BBS9: variants seen among roughly 807,000 people sequenced by gnomAD.
The protein encoded by BBS9 is Bardet-Biedl syndrome 9, also known as protein PTHB1.
Under a neutral mutation model 117.7 loss-of-function variants are expected in BBS9, and 89 were observed. That is an observed-to-expected ratio of 0.76 (90% CI 0.64 to 0.90). The LOEUF (loss-of-function observed/expected upper bound fraction) is 0.90, where lower values mean the gene tolerates loss of function less well. Ranked by LOEUF, BBS9 falls within the 40% of genes least tolerant of loss-of-function variation. BBS9 has a pLI of 0.00. For missense variants in BBS9, 982 were observed against 1,042.2 expected (o/e 0.94, Z 0.80); for synonymous variants, 379 against 370.9 (o/e 1.02, Z -0.25).
chr7:33,571,323 G>A (rs1857747139), intron 21 of BBS9, among the ~76,000 whole-genome samples: 1 of 151,882 alleles, frequency 6.6e-6, no homozygotes, highest in Non-Finnish European at 1.5e-5. Flanking sequence ...CATTTTGAGG[G>A]AAACTACTGA....
chr7:33,442,288 T>G (rs1030531088), intron 19 of BBS9, among the ~76,000 whole-genome samples: 4 of 152,226 alleles, frequency 2.6e-5, no homozygotes, highest in African/African-American at 9.7e-5. Context: ...AATTATCATA[T>G]TATGTTTGCC....
intron 9 of BBS9, among the ~76,000 whole-genome samples, chr7:33,315,814 G>GT (rs1810374190): frequency 6.6e-6 from 1 of 152,032 alleles, no homozygotes; most frequent in Non-Finnish European, 1.5e-5. Context: ...TAAACCATCA[G>GT]TTTTTTTATT....
chr7:33,609,807 G>A (rs1864767873), downstream of BBS9, among the ~76,000 whole-genome samples: 1 of 152,034 alleles, frequency 6.6e-6, no homozygotes, highest in African/African-American at 2.4e-5. Flanking sequence ...AGCAGTGGGT[G>A]GTAATGATAT....
At chr7:33,206,046 G>T (rs539253259) in intron 5 of BBS9, among the ~76,000 whole-genome samples, 1 of 152,170 alleles carries the variant, frequency 6.6e-6, no homozygotes, top group African/African-American at 2.4e-5. Context: ...TAATAATTGT[G>T]ATTTCATTGC....
chr7:33,476,994 C>G (rs946922976), intron 19 of BBS9, among the ~76,000 whole-genome samples: 1 of 152,092 alleles, frequency 6.6e-6, no homozygotes, highest in African/African-American at 2.4e-5. Context: ...CCTATTATAG[C>G]CTAGTGACAA....
chr7:33,280,807 A>G (rs1422775609), intron 9 of BBS9, among the ~76,000 whole-genome samples: 1 of 152,022 alleles, frequency 6.6e-6, no homozygotes, highest in East Asian at 1.9e-4. Context: ...TCATAGAGGG[A>G]AGAAGGATTT....
intron 6 of BBS9, among the ~76,000 whole-genome samples, chr7:33,260,336 TA>T (rs1435443021): frequency 6.6e-6 from 1 of 152,194 alleles, no homozygotes; most frequent in Non-Finnish European, 1.5e-5. Flanking sequence ...GTGCTTTTTA[TA>T]ATCCAGTCCC....
At chr7:33,148,153 A>G (rs1190457011) in intron 2 of BBS9, among the ~76,000 whole-genome samples, 1 of 152,210 alleles carries the variant, frequency 6.6e-6, no homozygotes, top group Non-Finnish European at 1.5e-5. Flanking sequence ...GCAGTTTTGG[A>G]TATGCTCTGT....
At chr7:33,411,006 T>C (rs1314327659) in intron 19 of BBS9, among the ~76,000 whole-genome samples, 1 of 137,428 alleles carries the variant, frequency 7.3e-6, no homozygotes, top group Non-Finnish European at 1.5e-5. Flanking sequence ...ACTTAAAATG[T>C]TGGTGTTTTT....
intron 10 of BBS9, among the ~76,000 whole-genome samples, chr7:33,337,081 A>G (rs1020060813): frequency 2.0e-5 from 3 of 152,104 alleles, no homozygotes; most frequent in Non-Finnish European, 2.9e-5. Context: ...GACATAATTT[A>G]TGTTTGTAGT....
intron 21 of BBS9, among the ~76,000 whole-genome samples, chr7:33,611,504 G>A (rs886901318): frequency 5.2e-5 from 7 of 133,718 alleles, no homozygotes; most frequent in African/African-American, 8.4e-5. Flanking sequence ...TATATATAAG[G>A]TATATTATAT....
intron 1 of BBS9, among the ~76,000 whole-genome samples, chr7:33,137,490 C>T (rs2128066907): frequency 6.6e-6 from 1 of 152,350 alleles, no homozygotes; most frequent in South Asian, 2.1e-4. Flanking sequence ...TGCCATGCCT[C>T]CCCCGCTGCA....
intron 19 of BBS9, among the ~76,000 whole-genome samples, chr7:33,445,094 A>G (rs1836795813): frequency 6.6e-6 from 1 of 152,182 alleles, no homozygotes; most frequent in Non-Finnish European, 1.5e-5. Context: ...ACAAGGCTGT[A>G]CAATAAGTTA....
chr7:33,474,065 G>A (rs2128960403), intron 19 of BBS9, among the ~76,000 whole-genome samples: 1 of 152,250 alleles, frequency 6.6e-6, no homozygotes, highest in East Asian at 1.9e-4. Context: ...TCCAAATTGT[G>A]GTCTCTTTAG....
chr7:33,548,062 G>A (rs1211462508), intron 21 of BBS9, among the ~76,000 whole-genome samples: 1 of 152,132 alleles, frequency 6.6e-6, no homozygotes, highest in African/African-American at 2.4e-5. Context: ...ATGCTGGCTG[G>A]TAACTAATTA....
chr7:33,246,215 T>A (rs894494681), intron 5 of BBS9, among the ~76,000 whole-genome samples: 10 of 152,160 alleles, frequency 6.6e-5, no homozygotes, highest in Non-Finnish European at 1.5e-5. Flanking sequence ...TAACTATCCC[T>A]AATTCATTTT....
chr7:33,471,488 G>A (rs76636822), intron 19 of BBS9, among the ~76,000 whole-genome samples: 2,641 of 152,288 alleles, frequency 0.017, 31 homozygotes, highest in South Asian at 0.042. Context: ...CATAGTAGGT[G>A]CTCATAACTG....
At chr7:33,357,414 G>A (rs934448251) in intron 15 of BBS9, among the ~76,000 whole-genome samples, 6 of 151,676 alleles carry the variant, frequency 4.0e-5, no homozygotes, top group African/African-American at 1.4e-4. Flanking sequence ...ATGTTTTTGA[G>A]TAGAGAAATT....
At chr7:33,174,625 A>G (rs951891155) in intron 4 of BBS9, among the ~76,000 whole-genome samples, 17 of 152,232 alleles carry the variant, frequency 1.1e-4, no homozygotes, top group Admixed American at 2.0e-4. Context: ...GCACAAGGGA[A>G]GGTTACAGTC....
Sources: allele counts gnomAD v4.1 joint callset (sites outside exome capture counted in the v4.1 genomes callset), GRCh38; gene constraint gnomAD v4.1.1; transcripts MANE v1.5; gene names NCBI Gene and HGNC (gene_info 2026-07-23, HGNC 2026-07-21).